Variants in KAZN observed in about 807,000 individuals in gnomAD.
The protein encoded by KAZN is kazrin, periplakin interacting protein, also known as kazrin.
Under a neutral mutation model 87.4 loss-of-function variants are expected in KAZN, and 40 were observed. The ratio of observed to expected loss-of-function variants is 0.46; its 90% CI spans 0.36 to 0.60. The LOEUF is 0.60. Among genes scored for constraint, KAZN ranks in the 20% least tolerant of loss-of-function variants. KAZN has a pLI of 0.00. For synonymous variants in KAZN, 466 were observed against 458.3 expected (o/e 1.02, Z -0.22); for missense variants, 898 against 1,073.9 (o/e 0.84, Z 2.29).
intron 1 of KAZN, among the ~76,000 whole-genome samples, chr1:14,024,833 T>G (rs1382676561): frequency 6.6e-6 from 1 of 152,220 alleles, no homozygotes; most frequent in Non-Finnish European, 1.5e-5. Flanking sequence ...GCACTGACGC[T>G]TAGGCTTTGT....
At chr1:14,421,368 T>C (rs1278712908) in intron 2 of KAZN, among the ~76,000 whole-genome samples, 1 of 152,124 alleles carries the variant, frequency 6.6e-6, no homozygotes, top group African/African-American at 2.4e-5. Context: ...GGGGGTGCTA[T>C]GCTCTATCCT....
intron 2 of KAZN, among the ~76,000 whole-genome samples, chr1:14,247,633 T>C (rs1649633974): frequency 6.6e-6 from 1 of 152,200 alleles, no homozygotes; most frequent in East Asian, 1.9e-4. Flanking sequence ...TTCTCACATT[T>C]TAGGAAGTGC....
intron 2 of KAZN, among the ~76,000 whole-genome samples, chr1:14,332,451 G>A (rs1183196342): frequency 5.3e-5 from 8 of 152,192 alleles, no homozygotes; most frequent in Non-Finnish European, 1.0e-4. Context: ...GATGGCCTCA[G>A]AGGCTCTGAT....
chr1:14,355,021 AAAG>A (rs1658894302), intron 2 of KAZN, among the ~76,000 whole-genome samples: 1 of 152,234 alleles, frequency 6.6e-6, no homozygotes, highest in Non-Finnish European at 1.5e-5. Context: ...CAATTAAAAA[AAAG>A]AAATAAACTG....
intron 1 of KAZN, among the ~76,000 whole-genome samples, chr1:14,092,093 T>TA (rs1644009223): frequency 7.5e-6 from 1 of 132,526 alleles, no homozygotes; most frequent in Non-Finnish European, 1.6e-5. Context: ...TTTTCTTTTC[T>TA]TTTTTTTTTT....
At chr1:14,229,484 TGAG>T (rs1421807797) in intron 2 of KAZN, among the ~76,000 whole-genome samples, 4 of 152,340 alleles carry the variant, frequency 2.6e-5, no homozygotes, top group Admixed American at 1.3e-4. Flanking sequence ...ATCATATTGG[TGAG>T]GAGAAATGCA....
intron 2 of KAZN, among the ~76,000 whole-genome samples, chr1:14,387,969 C>G (rs1195446640): frequency 1.3e-5 from 2 of 152,220 alleles, no homozygotes; most frequent in Non-Finnish European, 1.5e-5. Flanking sequence ...CAGCGAGACT[C>G]CGTGGGCGTA....
chr1:15,020,905 C>T (rs1670601981), intron 2 of KAZN, among the ~76,000 whole-genome samples: 1 of 152,152 alleles, frequency 6.6e-6, no homozygotes, highest in South Asian at 2.1e-4. Context: ...GATTGTCTGG[C>T]TCCGGGTTCT....
In KAZN at chr1:14,962,601, G is replaced by A. The variant is rs556660822; in HGVS notation, c.418+1726G>A. Reference sequence around the variant, plus strand: ...GAATCTCCCACAAGCAAGTGCTGCTGGGCTCAGGCTGTGCAAGCTGTTGTC... The same window carrying A: ...GAATCTCCCACAAGCAAGTGCTGCTAGGCTCAGGCTGTGCAAGCTGTTGTC... On this transcript the variant is annotated intron_variant, in intron 2 of 14. Coordinates refer to ENST00000376030, the MANE Select transcript of KAZN (RefSeq NM_201628.3). Among the ~76,000 whole-genome samples the A allele has an allele frequency of 5.3e-5, 8 of 152,302 alleles. No homozygotes were observed. In the East Asian group the frequency reaches 1.5e-3, roughly 29 times the overall value.
intron 1 of KAZN, among the ~76,000 whole-genome samples, chr1:14,652,428 G>C (rs993571031): frequency 2.3e-5 from 2 of 86,240 alleles, no homozygotes; most frequent in African/African-American, 9.6e-5. Flanking sequence ...TTTATGTGTT[G>C]GTTCATTCGA....
intron 2 of KAZN, among the ~76,000 whole-genome samples, chr1:14,585,819 T>G (rs1166551239): frequency 5.3e-5 from 8 of 152,174 alleles, no homozygotes; most frequent in Non-Finnish European, 1.2e-4. Flanking sequence ...ACCGCACCGA[T>G]GTCAGCTAAA....
At chr1:14,035,405 C>T (rs1428628907) in intron 1 of KAZN, among the ~76,000 whole-genome samples, 2 of 152,050 alleles carry the variant, frequency 1.3e-5, no homozygotes, top group African/African-American at 4.8e-5. Flanking sequence ...AGATGAATCA[C>T]CTGCCTAAAG....
chr1:14,702,135 G>A (rs1224282354), intron 1 of KAZN, among the ~76,000 whole-genome samples: 1 of 152,208 alleles, frequency 6.6e-6, no homozygotes, highest in African/African-American at 2.4e-5. Flanking sequence ...GAGGCAATGA[G>A]TGGGGCAGAG....
intron 2 of KAZN, among the ~76,000 whole-genome samples, chr1:14,447,493 C>T (rs6687683): frequency 0.21 from 31,426 of 151,966 alleles, 4,098 homozygotes; most frequent in Non-Finnish European, 0.28. Context: ...CCCGCCTTGG[C>T]CTCCCAAAGT....
chr1:14,040,798 T>TTAAAA (rs1180633921), intron 1 of KAZN, among the ~76,000 whole-genome samples: 7 of 128,374 alleles, frequency 5.5e-5, no homozygotes, highest in African/African-American at 1.9e-4. Flanking sequence ...TTAAATTAAA[T>TTAAAA]TAAAATAAAA....
At chr1:14,375,612 C>A (rs1027487193) in intron 2 of KAZN, among the ~76,000 whole-genome samples, 12 of 152,096 alleles carry the variant, frequency 7.9e-5, no homozygotes, top group Non-Finnish European at 1.6e-4. Flanking sequence ...GGAGGCTGGG[C>A]ACGGTGGCTC....
At chr1:14,277,816 A>G (rs1652502797) in intron 2 of KAZN, among the ~76,000 whole-genome samples, 1 of 152,118 alleles carries the variant, frequency 6.6e-6, no homozygotes. Context: ...ATTCCTGGAT[A>G]TTATATCATT....
intron 8 of KAZN, among the ~76,000 whole-genome samples, chr1:15,068,354 G>A (rs562163175): frequency 4.6e-5 from 7 of 152,136 alleles, no homozygotes; most frequent in East Asian, 1.9e-4. Flanking sequence ...GAAGCATCTC[G>A]CCTCTGCCGC....
At chr1:14,764,816 C>A (rs1387290904) in intron 1 of KAZN, among the ~76,000 whole-genome samples, 1 of 152,184 alleles carries the variant, frequency 6.6e-6, no homozygotes, top group Non-Finnish European at 1.5e-5. Flanking sequence ...TCATGAGTGC[C>A]TATCCTATGC....
Sources: gnomAD v4.1 joint callset for allele counts (sites outside exome capture counted in the v4.1 genomes callset) on GRCh38, gnomAD v4.1.1 for gene constraint, MANE v1.5 for transcripts, NCBI Gene and HGNC (gene_info 2026-07-23, HGNC 2026-07-21) for gene names.